The following PIP5K1B variants were observed in gnomAD, a reference collection of about 807,000 sequenced individuals.
The protein encoded by PIP5K1B is phosphatidylinositol 4-phosphate 5-kinase type-1 beta.
In PIP5K1B, 42 loss-of-function variants were observed where a neutral mutation model predicts 67.0. The observed-to-expected ratio is 0.63, with a 90% CI of 0.49 to 0.81. The LOEUF is 0.81. PIP5K1B is among the 30% of genes least tolerant of loss of function. The pLI is 0.00. For synonymous variants in PIP5K1B, 214 were observed against 231.4 expected (o/e 0.92, Z 0.68); for missense variants, 459 against 646.3 (o/e 0.71, Z 3.14).
At chr9:68,917,830 T>A in intron 9 of PIP5K1B, 71 bp downstream of exon 9, 1 of 1,125,014 alleles carries the variant, frequency 8.9e-7, no homozygotes. Context: ...TTATAGACAG[T>A]CACATTCACC....
chr9:68,768,532 A>G (rs1830539963), intron 2 of PIP5K1B, among the ~76,000 whole-genome samples: 1 of 152,218 alleles, frequency 6.6e-6, no homozygotes, highest in Admixed American at 6.5e-5. Context: ...GTAAGGAGAG[A>G]GAAGAATGGG....
intron 1 of PIP5K1B, among the ~76,000 whole-genome samples, chr9:68,713,851 C>T (rs766477577): frequency 2.0e-5 from 3 of 152,160 alleles, no homozygotes; most frequent in Admixed American, 6.5e-5. Flanking sequence ...CTGTTCCAGG[C>T]ACTCCTCAAG....
chr9:68,937,747 T>C (rs1009598108), intron 13 of PIP5K1B, among the ~76,000 whole-genome samples: 1 of 152,248 alleles, frequency 6.6e-6, no homozygotes, highest in Non-Finnish European at 1.5e-5. Context: ...CATTTAGTGC[T>C]ATAAATTTCC....
intron 14 of PIP5K1B, among the ~76,000 whole-genome samples, chr9:68,953,432 G>A (rs1001738462): frequency 4.6e-5 from 7 of 151,178 alleles, no homozygotes; most frequent in Non-Finnish European, 1.0e-4. Flanking sequence ...TTTTCTCTTT[G>A]TAGTCTACAT....
chr9:68,874,231 A>G (rs1823765112), intron 5 of PIP5K1B, among the ~76,000 whole-genome samples: 1 of 152,238 alleles, frequency 6.6e-6, no homozygotes, highest in Admixed American at 6.5e-5. Flanking sequence ...CCTGCCTCAC[A>G]GTTGGCCCAT....
intron 14 of PIP5K1B, chr9:68,963,065 T>G: frequency 2.5e-6 from 1 of 399,328 alleles, no homozygotes; most frequent in Non-Finnish European, 5.0e-6. Flanking sequence ...TATATTTGAT[T>G]TAGATTATTA....
rs770967525 is a variant in PIP5K1B at position 68,935,005 on chromosome 9, G to A, written c.1317G>A (p.Leu439=). The part of the protein sequence containing the change: ...SQEWKDEKRD[L]LTEGQSFSSL... The stretch of plus-strand genomic sequence containing the variant: ...AATGGAAGGATGAGAAGCGGGATTT[G>A]CTGACTGAAGGACAAAGTTTTAGCA... Residue 439 remains leucine (L), a synonymous_variant, in exon 13 of 16, where the codon TTG becomes TTA. Coordinates refer to ENST00000265382, the MANE Select transcript of PIP5K1B (RefSeq NM_003558.4). 1.2e-6 allele frequency: 2 copies of A among 1,613,708 alleles called. No individual in the cohort carries two copies. Among genetic ancestry groups the A allele is most frequent in the Non-Finnish European group, 1.7e-6 (2 of 1,179,754 alleles).
chr9:68,837,052 A>G (rs1255637992), intron 4 of PIP5K1B, among the ~76,000 whole-genome samples: 1 of 152,240 alleles, frequency 6.6e-6, no homozygotes. Flanking sequence ...AGCCTTAGCG[A>G]GGTCACTTGG....
At chr9:68,910,934 A>T (rs1825814803) in intron 8 of PIP5K1B, among the ~76,000 whole-genome samples, 1 of 152,260 alleles carries the variant, frequency 6.6e-6, no homozygotes, top group African/African-American at 2.4e-5. Context: ...TAACAAAAAG[A>T]CATTGGCTAG....
chr9:68,770,729 T>G (rs1830636103), intron 2 of PIP5K1B, among the ~76,000 whole-genome samples: 2 of 152,156 alleles, frequency 1.3e-5, no homozygotes, highest in Admixed American at 1.3e-4. Flanking sequence ...TGCCTAATGA[T>G]CTGAAGTAGA....
At chr9:68,902,189 C>A (rs962767735) in intron 8 of PIP5K1B, among the ~76,000 whole-genome samples, 1 of 152,174 alleles carries the variant, frequency 6.6e-6, no homozygotes, top group Non-Finnish European at 1.5e-5. Context: ...ATTTATATAA[C>A]CACCACCTTG....
intron 1 of PIP5K1B, among the ~76,000 whole-genome samples, chr9:68,736,100 A>G (rs532717403): frequency 6.6e-6 from 1 of 152,246 alleles, no homozygotes; most frequent in African/African-American, 2.4e-5. Flanking sequence ...GGAGCTGTGT[A>G]CTGCTGTGGA....
At chr9:68,843,141 A>G (rs140061421) in intron 4 of PIP5K1B, 35 of 152,350 alleles carry the variant, frequency 2.3e-4, no homozygotes, top group African/African-American at 8.4e-4. Flanking sequence ...GTGATTGTGA[A>G]TACAAAGAAC....
intron 4 of PIP5K1B, among the ~76,000 whole-genome samples, chr9:68,837,612 T>TTG (rs1748309204): frequency 7.7e-6 from 1 of 130,342 alleles, no homozygotes; most frequent in Admixed American, 8.2e-5. Context: ...TTTGTGTTTT[T>TTG]TTTTTTTTTT....
chr9:68,977,444 A>T (rs1829682262), intron 14 of PIP5K1B, among the ~76,000 whole-genome samples: 1 of 152,034 alleles, frequency 6.6e-6, no homozygotes, highest in Non-Finnish European at 1.5e-5. Flanking sequence ...CATCGCTTGA[A>T]CCCGGGAGGC....
chr9:68,769,112 G>T (rs1426036964), intron 2 of PIP5K1B, among the ~76,000 whole-genome samples: 3 of 152,260 alleles, frequency 2.0e-5, no homozygotes, highest in African/African-American at 7.2e-5. Context: ...TTTTTAAATT[G>T]AAAAATTATT....
chr9:68,725,553 G>A (rs767113764), intron 1 of PIP5K1B, among the ~76,000 whole-genome samples: 6 of 152,142 alleles, frequency 3.9e-5, no homozygotes, highest in Non-Finnish European at 7.4e-5. Flanking sequence ...TGAGCCAAGA[G>A]GTCCCCATAA....
intron 1 of PIP5K1B, among the ~76,000 whole-genome samples, chr9:68,710,047 G>T (rs1172082338): frequency 6.6e-6 from 1 of 152,186 alleles, no homozygotes; most frequent in Non-Finnish European, 1.5e-5. Context: ...ATTTGCATTT[G>T]CATTTTGCTT....
At chr9:68,995,380 C>T (rs1830560107) in intron 15 of PIP5K1B, among the ~76,000 whole-genome samples, 1 of 152,128 alleles carries the variant, frequency 6.6e-6, no homozygotes, top group African/African-American at 2.4e-5. Context: ...AGTCCTGCAC[C>T]ATTAACTTGT....
Sources: gnomAD v4.1 joint callset for allele counts (sites outside exome capture counted in the v4.1 genomes callset) on GRCh38, gnomAD v4.1.1 for gene constraint, MANE v1.5 for transcripts, NCBI Gene and HGNC (gene_info 2026-07-23, HGNC 2026-07-21) for gene names.